Variants in ATOSA observed in about 807,000 individuals in gnomAD.
The protein encoded by ATOSA is atos homolog A.
chr15:52,638,169 T>G, the ATOSA span, among the ~76,000 whole-genome samples: 5 of 152,214 alleles, frequency 3.3e-5, no homozygotes, highest in African/African-American at 1.2e-4. Flanking sequence ...GAAAGAAATC[T>G]CTCAAGGAAA....
the ATOSA span, among the ~76,000 whole-genome samples, chr15:52,607,031 G>A: frequency 6.6e-6 from 1 of 152,122 alleles, no homozygotes; most frequent in Non-Finnish European, 1.5e-5. Context: ...TATGTATATA[G>A]TACATTAAGG....
At chr15:52,594,983 C>G in the ATOSA span, among the ~76,000 whole-genome samples, 1 of 152,200 alleles carries the variant, frequency 6.6e-6, no homozygotes, top group African/African-American at 2.4e-5. Flanking sequence ...CCAACATATA[C>G]AGAGTCCCAT....
chr15:52,678,756 G>A, the ATOSA span: 1 of 152,998 alleles, frequency 6.5e-6, no homozygotes, highest in Non-Finnish European at 1.5e-5. Context: ...TTTACAGCCT[G>A]TGCTCGCCCC....
the ATOSA span, among the ~76,000 whole-genome samples, chr15:52,630,873 T>G: frequency 3.9e-5 from 6 of 152,346 alleles, no homozygotes; most frequent in African/African-American, 1.4e-4. Flanking sequence ...TACAGCTACA[T>G]ACAGGTTGTA....
chr15:52,611,226 G>A, the ATOSA span: 34 of 1,613,622 alleles, frequency 2.1e-5, no homozygotes, highest in South Asian at 5.5e-5. Flanking sequence ...CAACAGAAGC[G>A]TCTTCTCTTC....
the ATOSA span, among the ~76,000 whole-genome samples, chr15:52,603,981 G>A: frequency 6.6e-6 from 1 of 152,136 alleles, no homozygotes; most frequent in Non-Finnish European, 1.5e-5. Context: ...GAGTGAAATA[G>A]GAAGGTTCCT....
the ATOSA span, among the ~76,000 whole-genome samples, chr15:52,621,253 G>A: frequency 6.6e-6 from 1 of 152,158 alleles, no homozygotes; most frequent in African/African-American, 2.4e-5. Flanking sequence ...ACAATGTTAT[G>A]ATTATGTATC....
the ATOSA span, chr15:52,609,184 G>C: frequency 6.2e-7 from 1 of 1,613,252 alleles, no homozygotes; most frequent in East Asian, 2.2e-5. Flanking sequence ...ATGTTTCAAA[G>C]AACACTTTTC....
At chr15:52,649,760 A>T in the ATOSA span, 1 of 152,224 alleles carries the variant, frequency 6.6e-6, no homozygotes, top group Non-Finnish European at 1.5e-5. Flanking sequence ...ATTATAACTG[A>T]CTAGATTATA....
At chr15:52,606,302 G>A in the ATOSA span, among the ~76,000 whole-genome samples, 1 of 151,988 alleles carries the variant, frequency 6.6e-6, no homozygotes, top group African/African-American at 2.4e-5. Context: ...ACAAGAAACA[G>A]GCTAATTCTT....
At chr15:52,665,217 C>CACT in the ATOSA span, among the ~76,000 whole-genome samples, 1 of 152,112 alleles carries the variant, frequency 6.6e-6, no homozygotes, top group South Asian at 2.1e-4. Flanking sequence ...TCACAAAATA[C>CACT]GCTGATGTAA....
At chr15:52,600,464 CA>C in the ATOSA span, among the ~76,000 whole-genome samples, 1 of 151,870 alleles carries the variant, frequency 6.6e-6, no homozygotes. Context: ...TACTTTTGTA[CA>C]AAATTAAGAA....
the ATOSA span, among the ~76,000 whole-genome samples, chr15:52,666,386 G>A: frequency 2.6e-5 from 4 of 152,042 alleles, no homozygotes; most frequent in African/African-American, 7.2e-5. Flanking sequence ...CCAGAACCTC[G>A]CACAATACCT....
chr15:52,705,089 G>C, the ATOSA span, among the ~76,000 whole-genome samples: 2,962 of 152,214 alleles, frequency 0.019, 107 homozygotes, highest in African/African-American at 0.069. Context: ...CAATAGCAAA[G>C]ACTTGGAACC....
At chr15:52,619,024 T>C in the ATOSA span, among the ~76,000 whole-genome samples, 1 of 152,228 alleles carries the variant, frequency 6.6e-6, no homozygotes, top group Non-Finnish European at 1.5e-5. Context: ...AGATTAGAGA[T>C]GATACTAGTT....
the ATOSA span, chr15:52,587,167 G>C: frequency 6.2e-7 from 1 of 1,613,448 alleles, no homozygotes; most frequent in Admixed American, 1.7e-5. Flanking sequence ...TATTGTTCCT[G>C]AAGGAGGTAC....
At chr15:52,635,974 G>C in the ATOSA span, among the ~76,000 whole-genome samples, 2 of 149,080 alleles carry the variant, frequency 1.3e-5, no homozygotes, top group Non-Finnish European at 1.5e-5. Flanking sequence ...ACCCCAGCCT[G>C]GGTGACAGAG....
chr15:52,628,008 G>A, the ATOSA span, among the ~76,000 whole-genome samples: 1 of 152,108 alleles, frequency 6.6e-6, no homozygotes, highest in Admixed American at 6.6e-5. Flanking sequence ...GCTAATTCTC[G>A]ATTGTGAATG....
chr15:52,611,344 T>C, the ATOSA span: 138 of 1,501,094 alleles, frequency 9.2e-5, no homozygotes, highest in Middle Eastern at 1.4e-3. Context: ...CATAAACTTA[T>C]CACTCAGGAT....
Sources: gnomAD v4.1 joint callset for allele counts (sites outside exome capture counted in the v4.1 genomes callset) on GRCh38, gnomAD v4.1.1 for gene constraint, MANE v1.5 for transcripts, NCBI Gene and HGNC (gene_info 2026-07-23, HGNC 2026-07-21) for gene names.